The following ALDH5A1 variants were observed in gnomAD, a reference collection of about 807,000 sequenced individuals.
The protein encoded by ALDH5A1 is aldehyde dehydrogenase 5 family member A1, also known as succinate-semialdehyde dehydrogenase, mitochondrial.
A neutral mutation model predicts 54.7 loss-of-function variants in ALDH5A1; 33 were observed. The observed-to-expected ratio is 0.60, with a 90% confidence interval of 0.46 to 0.81. ALDH5A1 has a LOEUF of 0.81. Among genes scored for constraint, ALDH5A1 ranks in the 30% least tolerant of loss-of-function variants. The pLI is 0.00. For synonymous variants in ALDH5A1, 294 were observed against 292.7 expected (o/e 1.00, Z -0.05); for missense variants, 657 against 711.0 (o/e 0.92, Z 0.86).
At chr6:24,499,853 G>A (rs1364097416) in intron 1 of ALDH5A1, among the ~76,000 whole-genome samples, 1 of 152,036 alleles carries the variant, frequency 6.6e-6, no homozygotes, top group Non-Finnish European at 1.5e-5. Context: ...TAGAGACGGG[G>A]TTTCACCGTG....
rs70974913 is a variant in ALDH5A1, at chr6:24,506,243, C to CTTTTTTTTTTTTTTTTTTTTTTTTTTTTT, written c.726+1260_726+1288dup. 1.9e-4 allele frequency among the ~76,000 whole-genome samples: 10 copies of CTTTTTTTTTTTTTTTTTTTTTTTTTTTTT among 52,160 alleles called. 4 individuals are homozygous for CTTTTTTTTTTTTTTTTTTTTTTTTTTTTT. The highest frequency in any genetic ancestry group is 3.1e-4 in the Non-Finnish European group (9 of 29,132). 34.2% of individuals were successfully genotyped at this position (52,160 alleles called of 152,430 possible). A position where few individuals can be genotyped will look rare whatever the true frequency, so the allele number is the denominator to read the frequency against. ...TCTGCACCTCCTTCTTTCCTGGTTC[C>CTTTTTTTTTTTTTTTTTTTTTTTTTTTTT]TTTTTTTTTTTTTTTTTTTTTTTTT... is the stretch of plus-strand genomic sequence containing the variant. On this transcript the variant is annotated intron_variant, in intron 4 of 9. Transcript: ENST00000357578.
At chr6:24,511,157 C>T (rs1260819535) in intron 4 of ALDH5A1, among the ~76,000 whole-genome samples, 2 of 152,114 alleles carry the variant, frequency 1.3e-5, no homozygotes, top group African/African-American at 2.4e-5. Flanking sequence ...GGCCCCAGTC[C>T]CTTCTAGTTT....
chr6:24,528,132 G>A lies in ALDH5A1; in HGVS notation c.1309G>A (p.Glu437Lys), dbSNP rs754457812. The A allele has an allele frequency of 6.2e-7, 1 of 1,614,018 alleles. No homozygotes were observed. The highest frequency in any genetic ancestry group is 1.1e-5 in the South Asian group (1 of 91,070). The change falls in exon 8 of 10, where the codon GAA becomes AAA. Residue 437 changes from glutamate (E) to lysine (K), a missense_variant. Glu to Lys is a moderately conservative substitution (Grantham distance 56). Around this residue, in one of 2 missense-constraint regions of ALDH5A1, gnomAD observed 425 missense variants for 516.4 expected, o/e 0.82. Coordinates refer to ENST00000357578, the MANE Select transcript of ALDH5A1 (RefSeq NM_001080.3). ...NVTQDMLCTHEETFGPLAPVI... is the reference protein window; with the variant it reads ...NVTQDMLCTHKETFGPLAPVI... ...CACCCAGGACATGCTGTGCACTCATGAAGAGACTTTCGGGCCTCTGGCACC... is the reference window on the plus strand; with the variant it reads ...CACCCAGGACATGCTGTGCACTCATAAAGAGACTTTCGGGCCTCTGGCACC...
In ALDH5A1 at chr6:24,526,974, GTATATATATATA is replaced by G. The variant is rs58873176; in HGVS notation, c.1174-1000_1174-989del. Among the ~76,000 whole-genome samples the G allele has an allele frequency of 2.9e-4, 9 of 30,598 alleles. 1 individual carries two copies. The highest frequency in any genetic ancestry group is 5.9e-4 in the African/African-American group (6 of 10,130). The allele number at this position is 30,598 out of a possible 152,430, so 20.1% of individuals were successfully genotyped here. A position where few individuals can be genotyped will look rare whatever the true frequency, so the allele number is the denominator to read the frequency against. ...ATCTAATATATATATATGTGTGTGT[GTATATATATATA>G]TATATATATATATATATATATAGTA... On this transcript the variant is annotated intron_variant, in intron 7 of 9. Transcript: ENST00000357578.
At position 24,523,356 on chromosome 6, in the gene ALDH5A1, C is replaced by CAA. The variant is rs4646846; in HGVS notation, c.1173+442_1173+443dup. ...AGCTAAAAAAAATGATGTTAAAAGG[C>CAA]AAAAAAAAAAAATGAAAACAAAAAA... is the stretch of plus-strand genomic sequence containing the variant. On this transcript the variant is annotated intron_variant, in intron 7 of 9. Transcript: ENST00000357578. Among the ~76,000 whole-genome samples, 79 of 134,430 alleles carry CAA rather than the reference C, an allele frequency of 5.9e-4. No individual in the cohort carries two copies. The South Asian group carries it at 0.017, about 29-fold the overall frequency. 88.2% of individuals were successfully genotyped at this position (134,430 alleles called of 152,430 possible).
In ALDH5A1 at chr6:24,529,679, T is replaced by TTTG. The variant is rs1239243899; in HGVS notation, c.1343+1515_1343+1516insGTT. ...TTTTGTTTTGGTTTGGGTTTTTTTT[T>TTTG]TTTTTTTTTTTTGATGGAGTCTCGC... On this transcript the variant is annotated intron_variant, in intron 8 of 9. Coordinates refer to ENST00000357578, the MANE Select transcript of ALDH5A1 (RefSeq NM_001080.3). Among the ~76,000 whole-genome samples, 10 of 140,660 alleles carry TTTG rather than the reference T, an allele frequency of 7.1e-5. 1 individual carries two copies. The highest frequency in any genetic ancestry group is 1.2e-4 in the Non-Finnish European group (8 of 64,286). 92.3% of individuals were successfully genotyped at this position (140,660 alleles called of 152,430 possible). A position where few individuals can be genotyped will look rare whatever the true frequency, so the allele number is the denominator to read the frequency against.
intron 9 of ALDH5A1, among the ~76,000 whole-genome samples, 166 bp from the exon 10 acceptor site, chr6:24,533,341 T>G (rs1423929297): frequency 6.6e-6 from 1 of 152,090 alleles, no homozygotes; most frequent in East Asian, 1.9e-4. Context: ...TCAAAGGTTT[T>G]GAGATGAAAA....
chr6:24,530,182 T>C (rs1759905334), intron 8 of ALDH5A1, among the ~76,000 whole-genome samples: 1 of 152,102 alleles, frequency 6.6e-6, no homozygotes, highest in South Asian at 2.1e-4. Context: ...CCTCCCCTCA[T>C]CTGCCAGCAT....
At position 24,534,916 on chromosome 6, in the gene ALDH5A1, C is replaced by G. The variant is rs1760014794; in HGVS notation, c.*1204C>G. The G allele has an allele frequency of 6.6e-6, 1 of 152,202 alleles. No individual in the cohort carries two copies. Among genetic ancestry groups the G allele is most frequent in the Non-Finnish European group, 1.5e-5 (1 of 68,042 alleles). The allele number at this position is 152,202 out of a possible 1,614,324, so 9.4% of individuals were successfully genotyped here. ...ACCCACTTTGTAGAAGAGGCATGAGCCCTTGAATTTCAGGCACCTTTTATC... is the reference window on the plus strand; with the variant it reads ...ACCCACTTTGTAGAAGAGGCATGAGGCCTTGAATTTCAGGCACCTTTTATC... On this transcript the variant is annotated 3_prime_UTR_variant, in exon 10 of 10. Coordinates refer to ENST00000357578, the MANE Select transcript of ALDH5A1 (RefSeq NM_001080.3).
chr6:24,529,703 G>T (rs1447889512), intron 8 of ALDH5A1, among the ~76,000 whole-genome samples: 1 of 105,648 alleles, frequency 9.5e-6, no homozygotes, highest in South Asian at 3.2e-4. Flanking sequence ...ATGGAGTCTC[G>T]CTCTGTCACC....
At chr6:24,497,069 G>C (rs1198985904) in intron 1 of ALDH5A1, among the ~76,000 whole-genome samples, 2 of 152,162 alleles carry the variant, frequency 1.3e-5, no homozygotes, top group Non-Finnish European at 2.9e-5. Flanking sequence ...TGCAGTGAGT[G>C]TTACAGCTCT....
chr6:24,525,879 C>G (rs1404446778), intron 7 of ALDH5A1, among the ~76,000 whole-genome samples: 2 of 151,800 alleles, frequency 1.3e-5, no homozygotes, highest in Non-Finnish European at 2.9e-5. Flanking sequence ...TGGGTCATTC[C>G]CACCATCCCT....
chr6:24,497,697 T>C (rs1025831614), intron 1 of ALDH5A1, among the ~76,000 whole-genome samples: 2 of 152,162 alleles, frequency 1.3e-5, no homozygotes, highest in African/African-American at 2.4e-5. Context: ...GAGGCCCGTG[T>C]GGACTGAGCA....
At position 24,495,327 on chromosome 6, in the gene ALDH5A1, C is replaced by G; in HGVS notation, c.331C>G (p.Arg111Gly). 1 of 1,532,992 alleles carries G rather than the reference C, an allele frequency of 6.5e-7. No homozygotes were observed. Among genetic ancestry groups the G allele is most frequent in the Non-Finnish European group, 8.7e-7 (1 of 1,146,358 alleles). 95.0% of individuals were successfully genotyped at this position (1,532,992 alleles called of 1,614,324 possible). Residue 111 changes from arginine (R) to glycine (G), a missense_variant, in exon 1 of 10, where the codon CGC becomes GGC. By Grantham distance (125) the Arg-to-Gly change is moderately radical (BLOSUM62 -2). Around this residue, in one of 2 missense-constraint regions of ALDH5A1, gnomAD observed 232 missense variants for 194.6 expected, o/e 1.19. Coordinates refer to ENST00000357578, the MANE Select transcript of ALDH5A1 (RefSeq NM_001080.3). ...GCGCGCTGCCTACGAGGCTTTCTGC[C>G]GCTGGAGGGAGGTCTCCGCCAAGGT... ...AVRAAYEAFC[R>G]WREVSAKERS...
At chr6:24,519,718 G>T (rs1759637473) in intron 5 of ALDH5A1, among the ~76,000 whole-genome samples, 1 of 149,032 alleles carries the variant, frequency 6.7e-6, no homozygotes, top group Admixed American at 6.7e-5. Context: ...GATAAAGCAG[G>T]TTACGAAACG....
At position 24,532,138 on chromosome 6, in the gene ALDH5A1, G is replaced by A; in HGVS notation, c.1363G>A (p.Ala455Thr). The A allele has an allele frequency of 6.2e-7, 1 of 1,614,136 alleles. No homozygotes were observed. Among genetic ancestry groups the A allele is most frequent in the East Asian group, 2.2e-5 (1 of 44,884 alleles). Reference sequence around the variant, plus strand: ...TGGCAGGTTCGATACAGAGGAGGAGGCTATAGCAATCGCTAACGCAGCTGA... The same window carrying A: ...TGGCAGGTTCGATACAGAGGAGGAGACTATAGCAATCGCTAACGCAGCTGA... The part of the protein sequence containing the change: ...PVIKFDTEEE[A>T]IAIANAADVG... Residue 455 changes from alanine (A) to threonine (T), a missense_variant, in exon 9 of 10, where the codon GCT (alanine) becomes ACT (threonine). By Grantham distance (58) the Ala-to-Thr change is moderately conservative (BLOSUM62 0). Coordinates refer to ENST00000357578, the MANE Select transcript of ALDH5A1 (RefSeq NM_001080.3).
At chr6:24,496,134 C>T (rs1764699844) in intron 1 of ALDH5A1, among the ~76,000 whole-genome samples, 1 of 152,196 alleles carries the variant, frequency 6.6e-6, no homozygotes, top group Admixed American at 6.5e-5. Context: ...GCGATCCCTA[C>T]GAGTACAAGA....
chr6:24,512,185 T>C (rs538208872), intron 4 of ALDH5A1, among the ~76,000 whole-genome samples: 1 of 152,332 alleles, frequency 6.6e-6, no homozygotes, highest in South Asian at 2.1e-4. Context: ...ATGTGAACCA[T>C]CTGTGGGTCT....
intron 3 of ALDH5A1, 109 bp downstream of exon 3, chr6:24,503,542 C>A: frequency 7.6e-7 from 1 of 1,321,214 alleles, no homozygotes; most frequent in Admixed American, 1.9e-5. Context: ...GTTTTGTCAC[C>A]TGTTCCTGGT....
Sources: allele counts gnomAD v4.1 joint callset (sites outside exome capture counted in the v4.1 genomes callset), GRCh38; gene constraint gnomAD v4.1.1; regional missense constraint gnomAD v4.1.1; transcripts MANE v1.5; gene names NCBI Gene and HGNC (gene_info 2026-07-23, HGNC 2026-07-21).